AGBL1: variants seen among roughly 807,000 people sequenced by gnomAD.
AGBL1 encodes AGBL carboxypeptidase 1, also known as cytosolic carboxypeptidase 4.
Under a neutral mutation model 118.9 loss-of-function variants are expected in AGBL1, and 130 were observed. The observed-to-expected ratio is 1.09, with a 90% confidence interval of 0.95 to 1.26. The LOEUF (loss-of-function observed/expected upper bound fraction) is 1.26, where lower values mean the gene tolerates loss of function less well. Among genes scored for constraint, AGBL1 ranks in the 50% most tolerant of loss-of-function variants. The pLI is 0.00. For synonymous variants in AGBL1, 555 were observed against 478.9 expected (o/e 1.16, Z -2.08); for missense variants, 1,584 against 1,298.1 (o/e 1.22, Z -3.38).
intron 22 of AGBL1, among the ~76,000 whole-genome samples, chr15:86,798,720 A>G (rs1201220558): frequency 2.0e-5 from 3 of 149,330 alleles, no homozygotes; most frequent in Non-Finnish European, 4.4e-5. Context: ...GTACGTCTGG[A>G]TATCCAGGAC....
chr15:86,851,088 G>T (rs1242930787), intron 22 of AGBL1, among the ~76,000 whole-genome samples: 2 of 152,142 alleles, frequency 1.3e-5, no homozygotes, highest in African/African-American at 4.8e-5. Flanking sequence ...TTAAGGGTGA[G>T]TGATGTCACC....
At chr15:86,361,051 T>G (rs1321218198) in intron 17 of AGBL1, among the ~76,000 whole-genome samples, 1 of 152,024 alleles carries the variant, frequency 6.6e-6, no homozygotes, top group Non-Finnish European at 1.5e-5. Flanking sequence ...CTTAAAGGTA[T>G]AAAATTTATT....
At chr15:86,547,664 A>G (rs2083603151) in intron 20 of AGBL1, among the ~76,000 whole-genome samples, 1 of 152,200 alleles carries the variant, frequency 6.6e-6, no homozygotes, top group African/African-American at 2.4e-5. Flanking sequence ...GAGAATAAGG[A>G]CAGTGGTATT....
chr15:86,916,334 TA>T (rs1013658574), downstream of AGBL1, among the ~76,000 whole-genome samples: 1 of 152,098 alleles, frequency 6.6e-6, no homozygotes, highest in African/African-American at 2.4e-5. Flanking sequence ...AATTTTTTTT[TA>T]AATTTTTTAA....
chr15:86,559,883 G>A (rs1337200044), intron 21 of AGBL1, among the ~76,000 whole-genome samples: 1 of 152,094 alleles, frequency 6.6e-6, no homozygotes, highest in Non-Finnish European at 1.5e-5. Context: ...TTGGAAGCAG[G>A]AGACCCACCT....
intron 23 of AGBL1, among the ~76,000 whole-genome samples, chr15:86,965,230 T>A (rs1411175304): frequency 6.6e-6 from 1 of 152,182 alleles, no homozygotes; most frequent in Non-Finnish European, 1.5e-5. Flanking sequence ...ATGGTTGAAC[T>A]AGTTTACAGT....
Position 86,271,043 on chromosome 15 carries a change from A to ATTTTTTTT in AGBL1, c.1988-561_1988-554dup, listed in dbSNP as rs58166692. On this transcript the variant is annotated intron_variant, in intron 14 of 22. Coordinates refer to ENST00000614907, the MANE Select transcript of AGBL1 (RefSeq NM_001386094.1). ...TCTCTCTCTGCTTCAGTCACGTTGC[A>ATTTTTTTT]TTTTTTTTTTTTTTTTTTTTTTGGC... Among the ~76,000 whole-genome samples the ATTTTTTTT allele has an allele frequency of 4.8e-4, 43 of 89,060 alleles. 3 individuals are homozygous for ATTTTTTTT. Among genetic ancestry groups the ATTTTTTTT allele is most frequent in the African/African-American group, 1.4e-3 (30 of 20,934 alleles). 58.4% of individuals were successfully genotyped at this position (89,060 alleles called of 152,430 possible).
intron 17 of AGBL1, among the ~76,000 whole-genome samples, chr15:86,390,648 A>G (rs2081262958): frequency 7.3e-6 from 1 of 137,506 alleles, no homozygotes; most frequent in Admixed American, 7.4e-5. Context: ...CAGAAAAGTT[A>G]TATACTGTAT....
intron 21 of AGBL1, among the ~76,000 whole-genome samples, chr15:86,635,600 A>T (rs977970406): frequency 1.3e-5 from 2 of 151,778 alleles, no homozygotes; most frequent in African/African-American, 4.8e-5. Context: ...TTGTGTTCTT[A>T]CTCAAGGAAA....
At chr15:86,163,543 C>G (rs373542135) in intron 5 of AGBL1, among the ~76,000 whole-genome samples, 1 of 152,002 alleles carries the variant, frequency 6.6e-6, no homozygotes, top group East Asian at 1.9e-4. Context: ...GCCTGGCCAA[C>G]GTGATGAAAC....
At chr15:86,942,503 T>C (rs183551213) in intron 23 of AGBL1, among the ~76,000 whole-genome samples, 29 of 152,346 alleles carry the variant, frequency 1.9e-4, no homozygotes, top group African/African-American at 7.0e-4. Context: ...TTCTGACTCA[T>C]GGACTCTCAC....
intron 18 of AGBL1, among the ~76,000 whole-genome samples, chr15:86,515,685 G>A (rs923697201): frequency 6.6e-6 from 1 of 152,134 alleles, no homozygotes; most frequent in Admixed American, 6.5e-5. Flanking sequence ...GTGGTTGTTG[G>A]CTGGCTGGCC....
chr15:86,689,221 C>T (rs923646117), intron 22 of AGBL1, among the ~76,000 whole-genome samples: 1 of 152,096 alleles, frequency 6.6e-6, no homozygotes, highest in African/African-American at 2.4e-5. Flanking sequence ...ATAGCTGGCT[C>T]CTCTTTGACA....
At chr15:86,239,391 A>T (rs956818438) in intron 6 of AGBL1, among the ~76,000 whole-genome samples, 2 of 152,206 alleles carry the variant, frequency 1.3e-5, no homozygotes, top group African/African-American at 4.8e-5. Context: ...TATAATTTCC[A>T]TTATGGATGG....
chr15:86,141,157 A>G (rs2076957936), intron 1 of AGBL1, among the ~76,000 whole-genome samples: 2 of 152,200 alleles, frequency 1.3e-5, no homozygotes, highest in Admixed American at 6.5e-5. Context: ...GCAAGTCCAC[A>G]CTGTCTCTGA....
At chr15:86,844,223 T>G (rs1174392695) in intron 22 of AGBL1, among the ~76,000 whole-genome samples, 6 of 152,180 alleles carry the variant, frequency 3.9e-5, no homozygotes, top group Non-Finnish European at 8.8e-5. Context: ...GTGGACATGT[T>G]TCAGTTTTAC....
chr15:86,830,017 C>G (rs1201018721), intron 22 of AGBL1, among the ~76,000 whole-genome samples: 1 of 152,048 alleles, frequency 6.6e-6, no homozygotes. Flanking sequence ...TGATTTAATA[C>G]CGTAAAACTT....
chr15:86,207,794 T>A (rs993501262), intron 5 of AGBL1, among the ~76,000 whole-genome samples: 1 of 152,194 alleles, frequency 6.6e-6, no homozygotes, highest in Admixed American at 6.5e-5. Context: ...CCTAATTGAA[T>A]ACCCTTTATT....
intron 6 of AGBL1, 77 bp from the exon 7 acceptor site, chr15:86,247,594 A>G (rs1411366708): frequency 7.3e-7 from 1 of 1,375,778 alleles, no homozygotes; most frequent in Non-Finnish European, 1.0e-6. Flanking sequence ...ATCTTGTGGG[A>G]AATACACTGG....
Sources: gnomAD v4.1 joint callset for allele counts (sites outside exome capture counted in the v4.1 genomes callset) on GRCh38, gnomAD v4.1.1 for gene constraint, MANE v1.5 for transcripts, NCBI Gene and HGNC (gene_info 2026-07-23, HGNC 2026-07-21) for gene names.